DLGAP2: variants seen among roughly 807,000 people sequenced by gnomAD.
DLGAP2 encodes the protein disks large-associated protein 2.
A neutral mutation model predicts 100.3 loss-of-function variants in DLGAP2; 26 were observed. The ratio of observed to expected loss-of-function variants is 0.26; its 90% CI spans 0.19 to 0.36. DLGAP2 has a LOEUF of 0.36. DLGAP2 is among the 10% of genes least tolerant of loss of function. The probability of loss-of-function intolerance (pLI) is 1.00; values close to 1 mark genes in which losing one functional copy is unlikely to be tolerated. For synonymous variants in DLGAP2, 886 were observed against 630.1 expected, an observed-to-expected ratio of 1.41 and a Z score of -6.08; for missense variants, 1,858 against 1,453.2, an observed-to-expected ratio of 1.28 and a Z score of -4.53.
intron 1 of DLGAP2, among the ~76,000 whole-genome samples, chr8:814,524 A>T (rs537554916): frequency 2.0e-5 from 3 of 152,298 alleles, no homozygotes; most frequent in Non-Finnish European, 4.4e-5. Flanking sequence ...CGGATCCCAT[A>T]AACCAATATG....
chr8:1,634,208 A>T (rs1463716384), intron 8 of DLGAP2, among the ~76,000 whole-genome samples: 1 of 152,250 alleles, frequency 6.6e-6, no homozygotes, highest in Non-Finnish European at 1.5e-5. Context: ...CTGTAGCCAT[A>T]GATAATTTAT....
At chr8:1,306,957 G>C (rs1333641215) in intron 3 of DLGAP2, among the ~76,000 whole-genome samples, 1 of 151,826 alleles carries the variant, frequency 6.6e-6, no homozygotes, top group Non-Finnish European at 1.5e-5. Context: ...AAAACAGAGA[G>C]GATAAGCTTT....
rs368630151 is a variant in DLGAP2 at position 1,436,370 on chromosome 8, C to T, written c.107-64996C>T. ...TGGGAGAAACATGGAGGCTGGAAGA[C>T]TCAGCCAGTCCAGTCCTTCCACCTT... On this transcript the variant is annotated intron_variant, in intron 3 of 14. Transcript: ENST00000637795. 7.9e-4 allele frequency among the ~76,000 whole-genome samples: 120 copies of T among 152,328 alleles called. 1 individual carries two copies. Among genetic ancestry groups the T allele is most frequent in the African/African-American group, 2.8e-3 (116 of 41,594 alleles).
chr8:1,188,520 C>T (rs1360967746), intron 2 of DLGAP2, among the ~76,000 whole-genome samples: 1 of 150,070 alleles, frequency 6.7e-6, no homozygotes, highest in African/African-American at 2.5e-5. Context: ...CCCGGGACCT[C>T]TGTGACGTTT....
chr8:1,117,825 C>G (rs919835131), intron 2 of DLGAP2, among the ~76,000 whole-genome samples: 1 of 152,154 alleles, frequency 6.6e-6, no homozygotes, highest in Non-Finnish European at 1.5e-5. Context: ...CAGAGCCTCC[C>G]CCTTTCACAG....
intron 1 of DLGAP2, among the ~76,000 whole-genome samples, chr8:757,456 G>C (rs1368635800): frequency 2.0e-5 from 3 of 152,172 alleles, no homozygotes; most frequent in Non-Finnish European, 2.9e-5. Context: ...GAGGACTGTT[G>C]CTCTGAAAGT....
chr8:1,431,477 T>C (rs1259522163), intron 3 of DLGAP2, among the ~76,000 whole-genome samples: 1 of 152,116 alleles, frequency 6.6e-6, no homozygotes, highest in Non-Finnish European at 1.5e-5. Flanking sequence ...GGACAATGCA[T>C]AGAAACAGCA....
chr8:1,612,743 A>G (rs1797020934), intron 6 of DLGAP2, among the ~76,000 whole-genome samples: 1 of 130,222 alleles, frequency 7.7e-6, no homozygotes, highest in East Asian at 2.2e-4. Context: ...ACATGAACAG[A>G]CACTTCTCAA....
At chr8:1,567,443 A>G (rs539834030) in intron 6 of DLGAP2, among the ~76,000 whole-genome samples, 10 of 152,340 alleles carry the variant, frequency 6.6e-5, no homozygotes, top group Non-Finnish European at 1.2e-4. Flanking sequence ...GATTCATTGC[A>G]TAATTCTATA....
At chr8:1,172,806 T>C (rs562413894) in intron 2 of DLGAP2, among the ~76,000 whole-genome samples, 3 of 152,198 alleles carry the variant, frequency 2.0e-5, no homozygotes, top group Non-Finnish European at 2.9e-5. Flanking sequence ...TCAAAGTTTT[T>C]AACTTCTTTG....
chr8:1,566,582 C>T (rs1191399441), intron 6 of DLGAP2, among the ~76,000 whole-genome samples: 1 of 152,184 alleles, frequency 6.6e-6, no homozygotes, highest in East Asian at 1.9e-4. Context: ...CTTCTGCGGC[C>T]GGCTGTGAGG....
intron 2 of DLGAP2, among the ~76,000 whole-genome samples, chr8:1,220,647 A>G (rs980310167): frequency 6.6e-6 from 1 of 152,124 alleles, no homozygotes; most frequent in Non-Finnish European, 1.5e-5. Context: ...TTAGGTCCCA[A>G]ATATCTTTGT....
chr8:1,408,757 G>A (rs1187992494), intron 3 of DLGAP2, among the ~76,000 whole-genome samples: 2 of 152,120 alleles, frequency 1.3e-5, no homozygotes, highest in African/African-American at 2.4e-5. Context: ...GCCAGGTTTT[G>A]GGAACTCGTG....
In DLGAP2 at chr8:1,675,882, C is replaced by T. The variant is rs1373317984; in HGVS notation, c.2203-651C>T. 2.0e-5 allele frequency among the ~76,000 whole-genome samples: 3 copies of T among 151,256 alleles called. No individual in the cohort carries two copies. In the East Asian group the frequency reaches 5.9e-4, roughly 30 times the overall value. ...CTAGAATTCCCTTGTGGGATAACTTCACATAGCTGATGATCATTGCAAGGC... is the reference window on the plus strand; with the variant it reads ...CTAGAATTCCCTTGTGGGATAACTTTACATAGCTGATGATCATTGCAAGGC... On this transcript the variant is annotated intron_variant, in intron 10 of 14. Transcript: ENST00000637795.
In DLGAP2 at chr8:1,701,486, T is replaced by C; in HGVS notation, c.*80T>C. The C allele has an allele frequency of 7.2e-7, 1 of 1,387,262 alleles. No individual in the cohort carries two copies. Among genetic ancestry groups the C allele is most frequent in the Non-Finnish European group, 9.7e-7 (1 of 1,029,880 alleles). The allele number at this position is 1,387,262 out of a possible 1,614,324, so 85.9% of individuals were successfully genotyped here. ...AGCGCGGCGCCGCCCTGGTGGTTTC[T>C]GTCTCCTCCTCCCGCTGAACACGTC... is the stretch of plus-strand genomic sequence containing the variant. On this transcript the variant is annotated 3_prime_UTR_variant, in exon 15 of 15. Transcript: ENST00000637795.
At chr8:1,112,794 A>T (rs1211116096) in intron 2 of DLGAP2, among the ~76,000 whole-genome samples, 2 of 152,130 alleles carry the variant, frequency 1.3e-5, no homozygotes, top group Non-Finnish European at 2.9e-5. Flanking sequence ...CTCATTCAGG[A>T]TGATATTGCC....
intron 1 of DLGAP2, among the ~76,000 whole-genome samples, chr8:757,531 G>T (rs867714743): frequency 3.9e-5 from 6 of 152,132 alleles, no homozygotes; most frequent in African/African-American, 4.8e-5. Flanking sequence ...ATGAGCCTTT[G>T]CTTCATTTGG....
At chr8:1,316,897 CG>C (rs1800767276) in intron 3 of DLGAP2, among the ~76,000 whole-genome samples, 1 of 119,950 alleles carries the variant, frequency 8.3e-6, no homozygotes, top group African/African-American at 3.5e-5. Context: ...AAAAATAGAG[CG>C]TGTGCGAGTG....
At chr8:1,458,181 C>T (rs956825268) in intron 3 of DLGAP2, among the ~76,000 whole-genome samples, 2 of 151,786 alleles carry the variant, frequency 1.3e-5, no homozygotes, top group Admixed American at 1.3e-4. Context: ...GCTGGGATTA[C>T]AGGCATGAGC....
Sources: allele counts gnomAD v4.1 joint callset (sites outside exome capture counted in the v4.1 genomes callset), GRCh38; gene constraint gnomAD v4.1.1; transcripts MANE v1.5; gene names NCBI Gene and HGNC (gene_info 2026-07-23, HGNC 2026-07-21).